The following SORCS1 variants were observed in gnomAD, a reference collection of about 807,000 sequenced individuals.
SORCS1 encodes VPS10 domain-containing receptor SorCS1.
A neutral mutation model predicts 146.1 loss-of-function variants in SORCS1; 60 were observed. That is an observed-to-expected ratio of 0.41 (90% CI 0.33 to 0.51). SORCS1 has a LOEUF of 0.51. Ranked by LOEUF, SORCS1 falls within the 20% of genes least tolerant of loss-of-function variation. The pLI is 0.21. For synonymous variants in SORCS1, 637 were observed against 584.0 expected, an observed-to-expected ratio of 1.09 and a Z score of -1.31; for missense variants, 1,352 against 1,487.6, an observed-to-expected ratio of 0.91 and a Z score of 1.50.
intron 4 of SORCS1, among the ~76,000 whole-genome samples, chr10:106,769,484 CAAA>C (rs61628916): frequency 3.6e-5 from 3 of 84,360 alleles, no homozygotes; most frequent in Non-Finnish European, 7.1e-5. Flanking sequence ...GACTCCGTCT[CAAA>C]AAAAAAAAAA....
At chr10:106,628,115 T>C (rs932373727) in intron 19 of SORCS1, among the ~76,000 whole-genome samples, 11 of 152,184 alleles carry the variant, frequency 7.2e-5, no homozygotes, top group African/African-American at 2.4e-4. Flanking sequence ...TGTGTAACTT[T>C]GTCAGACCCA....
intron 2 of SORCS1, among the ~76,000 whole-genome samples, chr10:106,899,093 T>A (rs1158296758): frequency 1.3e-5 from 2 of 152,190 alleles, no homozygotes; most frequent in African/African-American, 4.8e-5. Flanking sequence ...CATTCCAAAG[T>A]CCTACCAGTA....
chr10:107,001,384 T>C (rs1957213261), intron 1 of SORCS1, among the ~76,000 whole-genome samples: 1 of 152,112 alleles, frequency 6.6e-6, no homozygotes, highest in Non-Finnish European at 1.5e-5. Flanking sequence ...CAACATCGTA[T>C]ACAGAACAGA....
chr10:106,869,226 G>A (rs563561230), intron 2 of SORCS1, among the ~76,000 whole-genome samples: 2 of 152,188 alleles, frequency 1.3e-5, no homozygotes, highest in South Asian at 4.2e-4. Context: ...AAAAGCCCAG[G>A]AACAGATGGA....
chr10:106,912,069 T>C (rs558156850), intron 2 of SORCS1, among the ~76,000 whole-genome samples: 11 of 148,618 alleles, frequency 7.4e-5, no homozygotes, highest in East Asian at 2.0e-4. Context: ...GCTGAGATCC[T>C]GCCACTGCAC....
At chr10:107,070,552 T>A (rs987869902) in intron 1 of SORCS1, among the ~76,000 whole-genome samples, 1 of 152,210 alleles carries the variant, frequency 6.6e-6, no homozygotes, top group East Asian at 1.9e-4. Flanking sequence ...CCTCCTACTA[T>A]GATTTGGTGG....
At chr10:106,715,021 A>G (rs1024152124) in intron 6 of SORCS1, among the ~76,000 whole-genome samples, 1 of 152,222 alleles carries the variant, frequency 6.6e-6, no homozygotes, top group Non-Finnish European at 1.5e-5. Context: ...ACCATCTTGA[A>G]CAGTCTGCCC....
At position 106,890,817 on chromosome 10, in the gene SORCS1, T is replaced by A. The variant is rs1009382705; in HGVS notation, c.627-61144A>T. On this transcript the variant is annotated intron_variant, in intron 2 of 25. Coordinates refer to ENST00000263054, the MANE Select transcript of SORCS1 (RefSeq NM_052918.5). The stretch of plus-strand genomic sequence containing the variant: ...TTTTACATTTATATACATACATTTT[T>A]TTTTTTTTAACTGGGAAATCATGCT... 1.4e-3 allele frequency among the ~76,000 whole-genome samples: 220 copies of A among 152,260 alleles called. 1 individual carries two copies. The highest frequency in any genetic ancestry group is 5.0e-3 in the African/African-American group (208 of 41,552).
intron 2 of SORCS1, among the ~76,000 whole-genome samples, chr10:106,937,172 A>AT (rs141215404): frequency 0.73 from 104,389 of 143,146 alleles, 41,145 homozygotes; most frequent in Non-Finnish European, 0.9. Flanking sequence ...AGAAGATCTG[A>AT]TTTTTTTTTT....
chr10:106,655,368 C>T (rs1389449194), intron 17 of SORCS1, among the ~76,000 whole-genome samples: 3 of 152,144 alleles, frequency 2.0e-5, no homozygotes, highest in Non-Finnish European at 4.4e-5. Context: ...CACCATGCAT[C>T]AGAGACTGTC....
At chr10:106,850,549 C>A (rs143029372) in intron 2 of SORCS1, among the ~76,000 whole-genome samples, 1 of 152,142 alleles carries the variant, frequency 6.6e-6, no homozygotes, top group African/African-American at 2.4e-5. Flanking sequence ...CCGTCTTCTG[C>A]GTTGCTCACG....
intron 2 of SORCS1, among the ~76,000 whole-genome samples, chr10:106,940,336 C>T (rs768170058): frequency 6.6e-6 from 1 of 152,198 alleles, no homozygotes; most frequent in African/African-American, 2.4e-5. Flanking sequence ...TTCCTCATTA[C>T]ATTTAACTTG....
chr10:107,094,230 T>C (rs983414294), intron 1 of SORCS1, among the ~76,000 whole-genome samples: 3 of 152,206 alleles, frequency 2.0e-5, no homozygotes, highest in Non-Finnish European at 2.9e-5. Context: ...CAGTGTCATA[T>C]GGTAATTGTT....
intron 5 of SORCS1, among the ~76,000 whole-genome samples, chr10:106,756,842 TAAAG>T (rs1282644094): frequency 6.6e-6 from 1 of 152,210 alleles, no homozygotes; most frequent in Non-Finnish European, 1.5e-5. Flanking sequence ...AAAAAAGTAT[TAAAG>T]AACTGAAACT....
chr10:107,179,317 T>C, the SORCS1 span, among the ~76,000 whole-genome samples: 1 of 152,202 alleles, frequency 6.6e-6, no homozygotes, highest in Non-Finnish European at 1.5e-5. Flanking sequence ...AGGTGCTAGA[T>C]ATGTTAATTA....
chr10:107,118,311 A>G (rs1469867845), intron 1 of SORCS1, among the ~76,000 whole-genome samples: 1 of 152,164 alleles, frequency 6.6e-6, no homozygotes, highest in Non-Finnish European at 1.5e-5. Flanking sequence ...TGTGAGAAAT[A>G]AATTTCTGTT....
At chr10:106,886,264 AAACAAC>A (rs778803742) in intron 2 of SORCS1, among the ~76,000 whole-genome samples, 2 of 151,950 alleles carry the variant, frequency 1.3e-5, no homozygotes, top group African/African-American at 4.8e-5. Context: ...CTCTGTTTCA[AAACAAC>A]AACAACAACA....
intron 1 of SORCS1, among the ~76,000 whole-genome samples, chr10:107,059,326 C>T (rs1454335102): frequency 5.9e-5 from 9 of 152,184 alleles, no homozygotes; most frequent in African/African-American, 1.7e-4. Context: ...ATTCTAGTTT[C>T]GCTGAAACTG....
rs188651642 is a variant in SORCS1, at chr10:106,614,366, T to A, written c.2921-2343A>T. Among the ~76,000 whole-genome samples, 30 of 152,354 alleles carry A rather than the reference T, an allele frequency of 2.0e-4. No homozygotes were observed. The East Asian group carries it at 5.6e-3, about 28-fold the overall frequency. Reference sequence around the variant, plus strand: ...AGTTCACTTGTACATTTCCTAACAATGCTAAGGAGTTATCAAACACATGTT... The same window carrying A: ...AGTTCACTTGTACATTTCCTAACAAAGCTAAGGAGTTATCAAACACATGTT... On this transcript the variant is annotated intron_variant, in intron 21 of 25. Coordinates refer to ENST00000263054, the MANE Select transcript of SORCS1 (RefSeq NM_052918.5).
Sources: allele counts gnomAD v4.1 joint callset (sites outside exome capture counted in the v4.1 genomes callset), GRCh38; gene constraint gnomAD v4.1.1; transcripts MANE v1.5; gene names NCBI Gene and HGNC (gene_info 2026-07-23, HGNC 2026-07-21).